THADA: variants seen among roughly 807,000 people sequenced by gnomAD.
THADA encodes the protein THADA armadillo repeat containing, also known as tRNA (32-2'-O)-methyltransferase regulator THADA.
In THADA, 213 loss-of-function variants were observed where a neutral mutation model predicts 219.8. That is an observed-to-expected ratio of 0.97 (90% confidence interval 0.87 to 1.09). The LOEUF is 1.09. THADA is among the 50% of genes least tolerant of loss of function. THADA has a pLI of 0.00. For synonymous variants in THADA, 1,018 were observed against 828.9 expected (o/e 1.23, Z -3.92); for missense variants, 2,956 against 2,311.3 (o/e 1.28, Z -5.72).
rs563667439 is a variant in THADA at position 43,561,137 on chromosome 2, C to G, written c.2312-752G>C. ...TGGGAGTCAAAGATAAAGAAGGAATCTTTTGGCCCTTCAGGGAAAAGCTCA... is the reference window on the plus strand; with the variant it reads ...TGGGAGTCAAAGATAAAGAAGGAATGTTTTGGCCCTTCAGGGAAAAGCTCA... On this transcript the variant is annotated intron_variant, in intron 15 of 37. Coordinates refer to ENST00000405975, the MANE Select transcript of THADA (RefSeq NM_022065.5). Among the ~76,000 whole-genome samples, 3 of 151,476 alleles carry G rather than the reference C, an allele frequency of 2.0e-5. No homozygotes were observed. The South Asian group carries it at 6.3e-4, about 32-fold the overall frequency.
intron 36 of THADA, among the ~76,000 whole-genome samples, chr2:43,252,688 A>T (rs1012449306): frequency 2.0e-5 from 3 of 152,138 alleles, no homozygotes; most frequent in African/African-American, 7.2e-5. Flanking sequence ...AGGATTCCCC[A>T]GGCCTGTGAT....
At chr2:43,580,837 G>A (rs1245870345) in intron 8 of THADA, among the ~76,000 whole-genome samples, 2 of 151,410 alleles carry the variant, frequency 1.3e-5, no homozygotes, top group Non-Finnish European at 2.9e-5. Flanking sequence ...CCAAGATCAC[G>A]CCACTGCACT....
intron 16 of THADA, among the ~76,000 whole-genome samples, chr2:43,558,642 T>C (rs1341241236): frequency 2.6e-5 from 4 of 152,188 alleles, no homozygotes; most frequent in African/African-American, 4.8e-5. Context: ...AACATCAGAC[T>C]CTTGCAAGTT....
intron 29 of THADA, among the ~76,000 whole-genome samples, chr2:43,395,814 T>C (rs1409092709): frequency 1.3e-5 from 2 of 152,196 alleles, no homozygotes; most frequent in African/African-American, 4.8e-5. Context: ...GGCAGTGGCA[T>C]GATCTTGGCT....
Position 43,521,643 on chromosome 2 carries a change from G to A in THADA, c.3374+6236C>T, listed in dbSNP as rs1692503654. 2.0e-5 allele frequency among the ~76,000 whole-genome samples: 3 copies of A among 152,222 alleles called. No individual in the cohort carries two copies. The South Asian group carries it at 6.2e-4, about 32-fold the overall frequency. On this transcript the variant is annotated intron_variant, in intron 22 of 37. Coordinates refer to ENST00000405975, the MANE Select transcript of THADA (RefSeq NM_022065.5). The stretch of plus-strand genomic sequence containing the variant: ...CTACTAAAAGTAACAGAAGTGAACA[G>A]GCCAGGCTATAGCTGCTATTCAGGC...
chr2:43,429,392 C>T (rs540202596), intron 27 of THADA, among the ~76,000 whole-genome samples: 4 of 152,230 alleles, frequency 2.6e-5, no homozygotes, highest in African/African-American at 9.6e-5. Flanking sequence ...CAGGTGTGAG[C>T]CACCACACCA....
chr2:43,381,008 G>A (rs1671946252), intron 29 of THADA, among the ~76,000 whole-genome samples: 1 of 137,594 alleles, frequency 7.3e-6, no homozygotes, highest in African/African-American at 2.8e-5. Flanking sequence ...TAAGACAGAA[G>A]AATCACTTGA....
At chr2:43,398,867 A>G (rs1558697210) in intron 28 of THADA, among the ~76,000 whole-genome samples, 1 of 152,204 alleles carries the variant, frequency 6.6e-6, no homozygotes, top group Non-Finnish European at 1.5e-5. Flanking sequence ...TACTGTTAAG[A>G]GAACAAGAGA....
chr2:43,399,121 G>A (rs1674463048), intron 28 of THADA, among the ~76,000 whole-genome samples: 1 of 152,114 alleles, frequency 6.6e-6, no homozygotes, highest in Admixed American at 6.6e-5. Context: ...TTGATTGAGA[G>A]GAAAGTCCAA....
chr2:43,527,750 T>C (rs1693343451), intron 22 of THADA, 129 bp downstream of exon 22: 1 of 587,396 alleles, frequency 1.7e-6, no homozygotes, highest in African/African-American at 1.9e-5. Context: ...AACAATTTCT[T>C]CCAAGAGTTT....
intron 35 of THADA, among the ~76,000 whole-genome samples, chr2:43,284,626 A>G: frequency 6.6e-6 from 1 of 152,170 alleles, no homozygotes; most frequent in East Asian, 1.9e-4. Flanking sequence ...AGACGGGGAA[A>G]TGTGGGGTTA....
intron 29 of THADA, among the ~76,000 whole-genome samples, chr2:43,345,186 A>G (rs764095876): frequency 1.3e-5 from 2 of 152,236 alleles, no homozygotes. Context: ...CTGTGTAACC[A>G]GATTCAACGT....
At position 43,258,012 on chromosome 2, in the gene THADA, G is replaced by A. The variant is rs1670519427; in HGVS notation, c.5296+21753C>T. Among the ~76,000 whole-genome samples the A allele has an allele frequency of 2.0e-5, 3 of 152,152 alleles. No homozygotes were observed. The South Asian group carries it at 6.2e-4, about 31-fold the overall frequency. On this transcript the variant is annotated intron_variant, in intron 36 of 37. Transcript: ENST00000405975. Reference sequence around the variant, plus strand: ...GAGGTGACGTGTCATGCCCTGGACAGTGCTTATTAGGTTTATTACTGACAC... The same window carrying A: ...GAGGTGACGTGTCATGCCCTGGACAATGCTTATTAGGTTTATTACTGACAC...
chr2:43,320,767 T>C (rs556756135), intron 30 of THADA, among the ~76,000 whole-genome samples: 7 of 152,204 alleles, frequency 4.6e-5, no homozygotes, highest in East Asian at 1.9e-4. Context: ...GTAGACAAAA[T>C]AGATAACAAC....
intron 31 of THADA, among the ~76,000 whole-genome samples, chr2:43,311,022 C>T (rs555686778): frequency 6.6e-6 from 1 of 152,032 alleles, no homozygotes; most frequent in African/African-American, 2.4e-5. Context: ...ACTAAAAATA[C>T]AAAATTAGCC....
rs563901059 is a variant in THADA, at chr2:43,355,895, T to A, written c.4228-11658A>T. On this transcript the variant is annotated intron_variant, in intron 29 of 37. Coordinates refer to ENST00000405975, the MANE Select transcript of THADA (RefSeq NM_022065.5). ...ACATGGGGATTCATTATATTATTTG[T>A]GTATATCTAAAAATTTCTATAATAT... Among the ~76,000 whole-genome samples, 3 of 152,280 alleles carry A rather than the reference T, an allele frequency of 2.0e-5. No individual in the cohort carries two copies. The South Asian group carries it at 6.2e-4, about 32-fold the overall frequency.
Position 43,301,885 on chromosome 2 carries a change from T to C in THADA, c.4439-8672A>G, listed in dbSNP as rs950899206. On this transcript the variant is annotated intron_variant, in intron 31 of 37. Transcript: ENST00000405975. ...TTTTTCCCTGGTGCAACAACGTTTG[T>C]GTCCTGCCATAAAGAGTCTAGATGA... Among the ~76,000 whole-genome samples, 17 of 152,208 alleles carry C rather than the reference T, an allele frequency of 1.1e-4. 1 individual carries two copies. Among genetic ancestry groups the C allele is most frequent in the African/African-American group, 4.1e-4 (17 of 41,458 alleles).
intron 28 of THADA, among the ~76,000 whole-genome samples, chr2:43,420,464 G>T (rs1573558301): frequency 6.6e-6 from 1 of 152,182 alleles, no homozygotes; most frequent in East Asian, 1.9e-4. Context: ...ATGAATGGCA[G>T]CAATAGGCCA....
chr2:43,246,549 T>C (rs1490545527), intron 36 of THADA, among the ~76,000 whole-genome samples: 1 of 151,954 alleles, frequency 6.6e-6, no homozygotes, highest in Non-Finnish European at 1.5e-5. Flanking sequence ...AAAGTTCCCT[T>C]ACTATAGGCA....
Sources: gnomAD v4.1 joint callset for allele counts (sites outside exome capture counted in the v4.1 genomes callset) on GRCh38, gnomAD v4.1.1 for gene constraint, MANE v1.5 for transcripts, NCBI Gene and HGNC (gene_info 2026-07-23, HGNC 2026-07-21) for gene names.